The following ADAMTS12 variants were observed in gnomAD, a reference collection of about 807,000 sequenced individuals.
The protein encoded by ADAMTS12 is ADAM metallopeptidase with thrombospondin type 1 motif 12.
In ADAMTS12, 118 loss-of-function variants were observed where a neutral mutation model predicts 167.8. The ratio of observed to expected loss-of-function variants is 0.70; its 90% CI spans 0.61 to 0.82. The LOEUF (loss-of-function observed/expected upper bound fraction) is 0.82. ADAMTS12 is among the 40% of genes least tolerant of loss of function. The probability of loss-of-function intolerance (pLI) is 0.00; values close to 1 mark genes in which losing one functional copy is unlikely to be tolerated. For missense variants in ADAMTS12, 1,916 were observed against 1,998.8 expected, an observed-to-expected ratio of 0.96 and a Z score of 0.79; for synonymous variants, 704 against 716.9, an observed-to-expected ratio of 0.98 and a Z score of 0.29.
chr5:33,579,727 C>T (rs1746962062), intron 18 of ADAMTS12, among the ~76,000 whole-genome samples: 1 of 152,248 alleles, frequency 6.6e-6, no homozygotes, highest in African/African-American at 2.4e-5. Context: ...GACAGCAGCA[C>T]CTACCTTTGC....
At chr5:33,803,132 T>A (rs1747073999) in intron 2 of ADAMTS12, among the ~76,000 whole-genome samples, 1 of 152,108 alleles carries the variant, frequency 6.6e-6, no homozygotes, top group Non-Finnish European at 1.5e-5. Context: ...GGTACATGGA[T>A]CCAGGGAAGA....
At chr5:33,812,507 C>T (rs1747500028) in intron 2 of ADAMTS12, among the ~76,000 whole-genome samples, 1 of 152,228 alleles carries the variant, frequency 6.6e-6, no homozygotes, top group Admixed American at 6.5e-5. Context: ...AGAGAAGCTT[C>T]CTTCACACAC....
rs777260765 is a variant in ADAMTS12 at position 33,881,154 on chromosome 5, C to A, written c.454G>T (p.Val152Phe). The A allele has an allele frequency of 3.1e-6, 5 of 1,614,084 alleles. No homozygotes were observed. The highest frequency in any genetic ancestry group is 4.2e-6 in the Non-Finnish European group (5 of 1,180,022). Residue 152 changes from valine (V) to phenylalanine (F), a missense_variant, in exon 2 of 24, where the codon GTT (valine) becomes TTT (phenylalanine). Coordinates refer to ENST00000504830, the MANE Select transcript of ADAMTS12 (RefSeq NM_030955.4). ...CAGGCACTGAGGGCTGCCGTCCCAA[C>A]TCTGGTGCCCTGCTGTAGAACCGTG... ...SGTVLQQGTRVGTAALSACHG... is the reference protein window; with the variant it reads ...SGTVLQQGTRFGTAALSACHG...
At chr5:33,732,801 G>A (rs1744238637) in intron 3 of ADAMTS12, among the ~76,000 whole-genome samples, 1 of 151,904 alleles carries the variant, frequency 6.6e-6, no homozygotes, top group African/African-American at 2.4e-5. Context: ...GGTGGTACAA[G>A]AATAATAATC....
intron 2 of ADAMTS12, among the ~76,000 whole-genome samples, chr5:33,757,691 C>T (rs1486387571): frequency 2.6e-5 from 4 of 152,146 alleles, no homozygotes; most frequent in African/African-American, 4.8e-5. Context: ...GGATCAAAAA[C>T]GTATGATATG....
chr5:33,790,410 G>A (rs967414762), intron 2 of ADAMTS12, among the ~76,000 whole-genome samples: 9 of 152,040 alleles, frequency 5.9e-5, no homozygotes, highest in Non-Finnish European at 1.2e-4. Flanking sequence ...AAAATTAGCT[G>A]GGCATGGTGG....
intron 2 of ADAMTS12, among the ~76,000 whole-genome samples, chr5:33,862,996 T>G (rs2111700805): frequency 6.6e-6 from 1 of 152,310 alleles, no homozygotes; most frequent in South Asian, 2.1e-4. Flanking sequence ...TCATCACCCC[T>G]TCATGCTAAA....
At chr5:33,591,834 G>A (rs989477103) in intron 17 of ADAMTS12, among the ~76,000 whole-genome samples, 1 of 152,094 alleles carries the variant, frequency 6.6e-6, no homozygotes, top group Non-Finnish European at 1.5e-5. Context: ...GGGAAAGGGG[G>A]GTGGGTTTCT....
Position 33,683,101 on chromosome 5 carries a change from C to T in ADAMTS12, c.832G>A (p.Val278Ile). 6.2e-7 allele frequency: 1 copy of T among 1,610,044 alleles called. No individual in the cohort carries two copies. The highest frequency in any genetic ancestry group is 8.5e-7 in the Non-Finnish European group (1 of 1,177,768). Residue 278 changes from valine to isoleucine, a missense_variant and splice_region_variant, in exon 5 of 24, where the codon GTC (valine) becomes ATC (isoleucine). Val to Ile is a conservative substitution (Grantham distance 29). Coordinates refer to ENST00000504830, the MANE Select transcript of ADAMTS12 (RefSeq NM_030955.4). ...ESYILTIMNM[V>I]TGLFHNPSIG... ...CTTGGGTTATGGAACAACCCAGTGA[C>T]CTAGGGTCAGAAATAGAAAACCATT... is the stretch of plus-strand genomic sequence containing the variant.
intron 5 of ADAMTS12, among the ~76,000 whole-genome samples, chr5:33,667,009 G>C (rs1345473219): frequency 1.3e-5 from 2 of 152,136 alleles, no homozygotes; most frequent in Non-Finnish European, 2.9e-5. Flanking sequence ...TTAATAGTTA[G>C]GAGAGTGATG....
At chr5:33,616,130 T>C in intron 14 of ADAMTS12, 58 bp from the exon 15 acceptor site, 1 of 1,592,716 alleles carries the variant, frequency 6.3e-7, no homozygotes, top group East Asian at 2.2e-5. Flanking sequence ...CTGAATGCAA[T>C]CTGTTTGTGA....
At chr5:33,785,843 T>G (rs1470331798) in intron 2 of ADAMTS12, among the ~76,000 whole-genome samples, 1 of 152,198 alleles carries the variant, frequency 6.6e-6, no homozygotes, top group African/African-American at 2.4e-5. Context: ...GAAGCGTGTA[T>G]TCACACAAAG....
intron 2 of ADAMTS12, among the ~76,000 whole-genome samples, chr5:33,761,498 C>T (rs1579913918): frequency 6.6e-6 from 1 of 152,090 alleles, no homozygotes; most frequent in Non-Finnish European, 1.5e-5. Flanking sequence ...CACCAAGAGT[C>T]ACAGCAGAGA....
chr5:33,620,403 G>C (rs1175431156), intron 14 of ADAMTS12, among the ~76,000 whole-genome samples: 1 of 152,170 alleles, frequency 6.6e-6, no homozygotes, highest in Non-Finnish European at 1.5e-5. Context: ...TTTTTACTGT[G>C]ATACACAATT....
chr5:33,556,062 G>C (rs952263373), intron 20 of ADAMTS12, among the ~76,000 whole-genome samples: 11 of 152,350 alleles, frequency 7.2e-5, no homozygotes, highest in African/African-American at 2.6e-4. Flanking sequence ...CTCGACGTTT[G>C]TCCAGGGCCT....
At position 33,733,787 on chromosome 5, in the gene ADAMTS12, G is replaced by A. The variant is rs992232284; in HGVS notation, c.634+17617C>T. On this transcript the variant is annotated intron_variant, in intron 3 of 23. Transcript: ENST00000504830. Reference sequence around the variant, plus strand: ...CCATGGAGACTCATCAGCGAGACACGGGGGCTGCCAGCTCTGATAACAGAG... The same window carrying A: ...CCATGGAGACTCATCAGCGAGACACAGGGGCTGCCAGCTCTGATAACAGAG... 4.0e-5 allele frequency among the ~76,000 whole-genome samples: 6 copies of A among 151,554 alleles called. 1 individual carries two copies. The highest frequency in any genetic ancestry group is 2.6e-4 in the Admixed American group (4 of 15,264).
At chr5:33,578,190 T>A (rs62351123) in intron 18 of ADAMTS12, among the ~76,000 whole-genome samples, 24,582 of 152,116 alleles carry the variant, frequency 0.16, 2,174 homozygotes, top group Non-Finnish European at 0.18. Flanking sequence ...CTGTCAGGTA[T>A]CCCTGACCTC....
chr5:33,712,577 T>G (rs1488145352), intron 3 of ADAMTS12, among the ~76,000 whole-genome samples: 1 of 152,104 alleles, frequency 6.6e-6, no homozygotes, highest in Admixed American at 6.6e-5. Context: ...ACTATAGGTT[T>G]TAGGAATGAC....
chr5:33,667,763 A>G (rs1741524020), intron 5 of ADAMTS12, among the ~76,000 whole-genome samples: 2 of 152,180 alleles, frequency 1.3e-5, no homozygotes, highest in Admixed American at 1.3e-4. Context: ...TCTCAGCCAC[A>G]TTCTCCTGAC....
Sources: allele counts gnomAD v4.1 joint callset (sites outside exome capture counted in the v4.1 genomes callset), GRCh38; gene constraint gnomAD v4.1.1; transcripts MANE v1.5; gene names NCBI Gene and HGNC (gene_info 2026-07-23, HGNC 2026-07-21).